Variants in POF1B observed in about 807,000 individuals in gnomAD.
POF1B encodes POF1B actin binding protein.
In POF1B, 53 loss-of-function variants were observed where a neutral mutation model predicts 55.3. The observed-to-expected ratio is 0.96, with a 90% confidence interval of 0.77 to 1.20. POF1B has a LOEUF of 1.20. Among genes scored for constraint, POF1B ranks in the 50% most tolerant of loss-of-function variants. POF1B has a pLI of 0.00. For synonymous variants in POF1B, 188 were observed against 148.3 expected, an observed-to-expected ratio of 1.27 and a Z score of -1.95; for missense variants, 478 against 420.5, an observed-to-expected ratio of 1.14 and a Z score of -1.20.
chrX:85,324,387 A>G (rs1473457823), intron 7 of POF1B, among the ~76,000 whole-genome samples: 3 of 110,748 alleles, frequency 2.7e-5, no homozygotes, highest in African/African-American at 9.9e-5. Flanking sequence ...TTCTTTATGT[A>G]TCTTGGTGTG....
intron 7 of POF1B, among the ~76,000 whole-genome samples, chrX:85,323,876 A>G (rs1002613463): frequency 1.8e-5 from 2 of 111,230 alleles, no homozygotes; most frequent in African/African-American, 6.5e-5. Flanking sequence ...CCCTTATAAC[A>G]TTGCTTTGTC....
At chrX:85,302,899 T>C (rs1434111043) in intron 15 of POF1B, among the ~76,000 whole-genome samples, 1 of 111,993 alleles carries the variant, frequency 8.9e-6, no homozygotes, top group Non-Finnish European at 1.9e-5. Flanking sequence ...AATTACTTTA[T>C]ATTTGGTTTT....
chrX:85,314,395 T>C (rs2147911395), intron 9 of POF1B, 37 bp downstream of exon 9: 1 of 1,088,459 alleles, frequency 9.2e-7, no homozygotes, highest in Non-Finnish European at 1.2e-6. Flanking sequence ...TGTTTGTTAG[T>C]GTTGATTTCA....
chrX:85,323,846 G>A (rs965487876), intron 7 of POF1B, among the ~76,000 whole-genome samples: 1 of 110,805 alleles, frequency 9.0e-6, no homozygotes, highest in East Asian at 2.9e-4. Context: ...TTTGATATGG[G>A]AGGTTAGTAC....
intron 7 of POF1B, among the ~76,000 whole-genome samples, chrX:85,321,831 C>G (rs930929304): frequency 2.8e-5 from 3 of 107,491 alleles, no homozygotes; most frequent in Non-Finnish European, 3.8e-5. Flanking sequence ...CATGAGTGAA[C>G]TCCCATTCAC....
chrX:85,321,974 T>C lies in POF1B; in HGVS notation c.855-6240A>G, dbSNP rs1176804687. On this transcript the variant is annotated intron_variant, in intron 7 of 16. Transcript: ENST00000262753. ...CAAACAAATGGAAGAACATTCCATGTTCATGGGTAGGAAGAATCAATATCG... is the reference window on the plus strand; with the variant it reads ...CAAACAAATGGAAGAACATTCCATGCTCATGGGTAGGAAGAATCAATATCG... 1.4e-4 allele frequency among the ~76,000 whole-genome samples: 16 copies of C among 110,571 alleles called. No individual in the cohort carries two copies. The East Asian group carries it at 1.7e-3, about 12-fold the overall frequency.
chrX:85,317,682 A>G (rs749023725), intron 7 of POF1B, among the ~76,000 whole-genome samples: 1 of 110,432 alleles, frequency 9.1e-6, no homozygotes, highest in Non-Finnish European at 1.9e-5. Flanking sequence ...AGATCTAAAG[A>G]CAGAGATACC....
At chrX:85,334,122 T>C (rs1432450947) in intron 6 of POF1B, among the ~76,000 whole-genome samples, 1 of 111,148 alleles carries the variant, frequency 9.0e-6, no homozygotes, top group Non-Finnish European at 1.9e-5. Context: ...TGGAACTATT[T>C]GTGGGTGTGT....
At chrX:85,295,457 A>C (rs1257869637) in intron 15 of POF1B, among the ~76,000 whole-genome samples, 1 of 110,999 alleles carries the variant, frequency 9.0e-6, no homozygotes, top group Admixed American at 9.6e-5. Flanking sequence ...ATTATTTTTT[A>C]TTTCTTTCTT....
At chrX:85,354,263 T>A (rs57311102) in intron 4 of POF1B, among the ~76,000 whole-genome samples, 5,660 of 110,820 alleles carry the variant, frequency 0.051, 311 homozygotes, top group African/African-American at 0.16. Flanking sequence ...GTGTTTTAAA[T>A]AATATTGATA....
chrX:85,280,348 A>G (rs1931869769), intron 16 of POF1B, among the ~76,000 whole-genome samples: 1 of 111,545 alleles, frequency 9.0e-6, no homozygotes, highest in Non-Finnish European at 1.9e-5. Flanking sequence ...ATATTTGTAT[A>G]TTTGTCTATT....
At chrX:85,324,044 T>A (rs780714797) in intron 7 of POF1B, among the ~76,000 whole-genome samples, 7 of 112,103 alleles carry the variant, frequency 6.2e-5, no homozygotes, top group African/African-American at 2.3e-4. Flanking sequence ...TTTCTTAGCA[T>A]CAATTTCTAT....
At position 85,379,422 on chromosome X, in the gene POF1B, G is replaced by T; in HGVS notation, c.33C>A (p.Ser11Arg). The change falls in exon 2 of 17, where the codon AGC (serine) becomes AGA (arginine). Residue 11 changes from serine to arginine, a missense_variant. Coordinates refer to ENST00000262753, the MANE Select transcript of POF1B (RefSeq NM_024921.4). MSSSYWSETS[S>R]SSCGTQQLPE... The stretch of plus-strand genomic sequence containing the variant: ...GGAGCTGCTGGGTTCCACAGCTGCT[G>T]CTGCTCGTCTCACTCCAATAGCTCG... 4.1e-6 allele frequency: 5 copies of T among 1,209,488 alleles called. No individual in the cohort carries two copies. Among genetic ancestry groups the T allele is most frequent in the Non-Finnish European group, 5.6e-6 (5 of 894,987 alleles).
chrX:85,330,068 AT>A (rs1429988656), intron 7 of POF1B, among the ~76,000 whole-genome samples: 1 of 109,814 alleles, frequency 9.1e-6, no homozygotes, highest in Non-Finnish European at 1.9e-5. Context: ...CTTCCAAATT[AT>A]TTTGAATTTG....
chrX:85,359,577 C>T lies in POF1B; in HGVS notation c.411G>A (p.Arg137=). ...KLTTYPQTTI[R]KYVVQNPEQE... ...GTTCAGGATTTTGTACTACATATTTCCTAATAGTGGTCTGTGGATATGTAG... is the reference window on the plus strand; with the variant it reads ...GTTCAGGATTTTGTACTACATATTTTCTAATAGTGGTCTGTGGATATGTAG... The change falls in exon 4 of 17, where the codon AGG becomes AGA. Residue 137 remains arginine, a synonymous_variant. Coordinates refer to ENST00000262753, the MANE Select transcript of POF1B (RefSeq NM_024921.4). 1 of 1,201,199 alleles carries T rather than the reference C, an allele frequency of 8.3e-7. No homozygotes were observed. The highest frequency in any genetic ancestry group is 1.8e-5 in the South Asian group (1 of 55,611).
chrX:85,348,659 C>G (rs1419172553), intron 5 of POF1B, among the ~76,000 whole-genome samples: 7 of 111,219 alleles, frequency 6.3e-5, no homozygotes, highest in African/African-American at 2.3e-4. Flanking sequence ...CACTGGGCAG[C>G]TTTCGTGGTG....
At chrX:85,328,220 T>TTTATTTATTTA (rs1932921899) in intron 7 of POF1B, among the ~76,000 whole-genome samples, 1 of 98,516 alleles carries the variant, frequency 1.0e-5, no homozygotes, top group African/African-American at 3.8e-5. Flanking sequence ...TTATTTATTT[T>TTTATTTATTTA]TTGAGATGGA....
chrX:85,307,957 CCTCT>C (rs1003237925), intron 10 of POF1B, among the ~76,000 whole-genome samples, 163 bp downstream of exon 10: 4 of 111,690 alleles, frequency 3.6e-5, no homozygotes, highest in African/African-American at 1.3e-4. Context: ...CCTCTTTTCT[CCTCT>C]CTCAATGCCA....
chrX:85,343,248 A>T (rs1933209953), intron 6 of POF1B, among the ~76,000 whole-genome samples: 1 of 110,974 alleles, frequency 9.0e-6, no homozygotes, highest in Admixed American at 9.6e-5. Flanking sequence ...TAAAGAAAAA[A>T]ATCCTCCAGC....
Sources: gnomAD v4.1 joint callset for allele counts (sites outside exome capture counted in the v4.1 genomes callset) on GRCh38, gnomAD v4.1.1 for gene constraint, MANE v1.5 for transcripts, NCBI Gene and HGNC (gene_info 2026-07-23, HGNC 2026-07-21) for gene names.